BMP6: variants seen among roughly 807,000 people sequenced by gnomAD.
BMP6 encodes the protein VG-1-R.
In BMP6, 17 loss-of-function variants were observed where a neutral mutation model predicts 54.1. That is an observed-to-expected ratio of 0.31 (90% CI 0.22 to 0.47). BMP6 has a LOEUF of 0.47. Among genes scored for constraint, BMP6 ranks in the 20% least tolerant of loss-of-function variants. The pLI is 1.00. For missense variants in BMP6, 720 were observed against 690.4 expected (o/e 1.04, Z -0.48); for synonymous variants, 328 against 291.2 (o/e 1.13, Z -1.28).
chr6:7,775,291 A>G (rs1438121267), intron 1 of BMP6, among the ~76,000 whole-genome samples: 3 of 152,152 alleles, frequency 2.0e-5, no homozygotes, highest in Non-Finnish European at 4.4e-5. Context: ...GATCTCTAGG[A>G]TATATAAATT....
Position 7,727,470 on chromosome 6 carries a change from G to T in BMP6, c.515G>T (p.Arg172Leu), listed in dbSNP as rs1222092849. The T allele has an allele frequency of 1.3e-6, 2 of 1,595,288 alleles. No individual in the cohort carries two copies. Among genetic ancestry groups the T allele is most frequent in the Non-Finnish European group, 8.5e-7 (1 of 1,174,976 alleles). The change falls in exon 1 of 7, where the codon CGG becomes CTG. Residue 172 changes from arginine to leucine, a missense_variant. Around this residue, in one of 3 missense-constraint regions of BMP6, gnomAD observed 650 missense variants for 556.3 expected, o/e 1.17. Transcript: ENST00000283147. ...PHEAASSSQR[R>L]QPPPGAAHPL... ...GAAGCAGCCAGCTCGTCCCAGCGTCGGCAGCCGCCCCCGGGCGCCGCGCAC... is the reference window on the plus strand; with the variant it reads ...GAAGCAGCCAGCTCGTCCCAGCGTCTGCAGCCGCCCCCGGGCGCCGCGCAC...
intron 1 of BMP6, among the ~76,000 whole-genome samples, chr6:7,731,106 T>C (rs557433507): frequency 1.3e-5 from 2 of 152,348 alleles, no homozygotes; most frequent in East Asian, 3.9e-4. Flanking sequence ...TCAAACTCTT[T>C]CTGGGTGAAT....
At chr6:7,759,204 G>A (rs962944830) in intron 1 of BMP6, among the ~76,000 whole-genome samples, 1 of 152,162 alleles carries the variant, frequency 6.6e-6, no homozygotes, top group African/African-American at 2.4e-5. Context: ...ATATATGTAT[G>A]TATGTATGCT....
intron 1 of BMP6, among the ~76,000 whole-genome samples, chr6:7,785,991 T>C (rs1297008432): frequency 6.6e-6 from 1 of 152,214 alleles, no homozygotes; most frequent in Non-Finnish European, 1.5e-5. Flanking sequence ...AGAGAAACTA[T>C]GCAGAATGTT....
At chr6:7,759,857 C>T (rs1338659473) in intron 1 of BMP6, among the ~76,000 whole-genome samples, 2 of 151,380 alleles carry the variant, frequency 1.3e-5, no homozygotes, top group Non-Finnish European at 2.9e-5. Context: ...GTGCCAGCCA[C>T]CATGCCTGGC....
chr6:7,819,872 A>C (rs1758581632), intron 1 of BMP6, among the ~76,000 whole-genome samples: 1 of 152,228 alleles, frequency 6.6e-6, no homozygotes, highest in Admixed American at 6.5e-5. Flanking sequence ...GCAGTGAGTA[A>C]TCTTTTAATC....
chr6:7,726,454 C>T lies in BMP6; in HGVS notation c.-502C>T, dbSNP rs898454340. ...TGCAACGGGGTAAACTTCATGGTGGCCCTGCGATCTGGGGAGGGGCGTGCG... is the reference window on the plus strand; with the variant it reads ...TGCAACGGGGTAAACTTCATGGTGGTCCTGCGATCTGGGGAGGGGCGTGCG... On this transcript the variant is annotated 5_prime_UTR_variant, in exon 1 of 7. Transcript: ENST00000283147. Among the ~76,000 whole-genome samples, 4 of 152,206 alleles carry T rather than the reference C, an allele frequency of 2.6e-5. No individual in the cohort carries two copies. The highest frequency in any genetic ancestry group is 2.9e-5 in the Non-Finnish European group (2 of 68,024).
intron 1 of BMP6, among the ~76,000 whole-genome samples, chr6:7,739,818 C>T (rs1271180509): frequency 6.6e-6 from 1 of 152,182 alleles, no homozygotes; most frequent in East Asian, 1.9e-4. Flanking sequence ...GAGTCTTCAT[C>T]CTCCTTTCCA....
chr6:7,730,931 T>G (rs920021033), intron 1 of BMP6, among the ~76,000 whole-genome samples: 1 of 152,164 alleles, frequency 6.6e-6, no homozygotes, highest in Non-Finnish European at 1.5e-5. Context: ...ACATCCGACT[T>G]CCCTGGGACT....
chr6:7,732,746 CCTCA>C (rs1761888197), intron 1 of BMP6, among the ~76,000 whole-genome samples: 1 of 152,160 alleles, frequency 6.6e-6, no homozygotes, highest in Admixed American at 6.5e-5. Flanking sequence ...GCTGTCTTTG[CCTCA>C]CTCCTATTTA....
chr6:7,729,883 C>A (rs1465835661), intron 1 of BMP6, among the ~76,000 whole-genome samples: 3 of 151,916 alleles, frequency 2.0e-5, no homozygotes, highest in Non-Finnish European at 4.4e-5. Flanking sequence ...TTTTTTTGTT[C>A]AAAAATAAAG....
chr6:7,787,640 G>A (rs761078121), intron 1 of BMP6, among the ~76,000 whole-genome samples: 16 of 152,184 alleles, frequency 1.1e-4, no homozygotes, highest in South Asian at 2.1e-4. Flanking sequence ...TTTCTTAGCC[G>A]TGGCTGCTCT....
At chr6:7,766,996 T>G (rs1247302163) in intron 1 of BMP6, among the ~76,000 whole-genome samples, 1 of 150,986 alleles carries the variant, frequency 6.6e-6, no homozygotes, top group South Asian at 2.1e-4. Flanking sequence ...TTGTTTGTTT[T>G]TTTTTTTTGA....
intron 4 of BMP6, 148 bp from the exon 5 acceptor site, chr6:7,878,926 G>A: frequency 2.6e-6 from 2 of 771,898 alleles, no homozygotes; most frequent in Admixed American, 2.1e-5. Context: ...TCAGGAACCT[G>A]ATGTAGCTGT....
chr6:7,764,371 T>A (rs1757655236), intron 1 of BMP6, among the ~76,000 whole-genome samples: 1 of 152,226 alleles, frequency 6.6e-6, no homozygotes, highest in Non-Finnish European at 1.5e-5. Flanking sequence ...CAAAAGACAT[T>A]AGAAACTCAC....
At chr6:7,742,837 T>A (rs1169773511) in intron 1 of BMP6, among the ~76,000 whole-genome samples, 13 of 152,144 alleles carry the variant, frequency 8.5e-5, no homozygotes, top group Admixed American at 2.6e-4. Flanking sequence ...ATAAAAGTTG[T>A]TTAAAATTAA....
At chr6:7,857,770 C>T (rs561320855) in intron 2 of BMP6, among the ~76,000 whole-genome samples, 8 of 152,292 alleles carry the variant, frequency 5.3e-5, no homozygotes, top group African/African-American at 1.9e-4. Context: ...AGACCAGAAC[C>T]GTTTTAGTGA....
intron 2 of BMP6, among the ~76,000 whole-genome samples, chr6:7,849,655 TA>T (rs1474956879): frequency 6.6e-6 from 1 of 152,250 alleles, no homozygotes; most frequent in Non-Finnish European, 1.5e-5. Flanking sequence ...GGCATACTTT[TA>T]CTGTTGTAAT....
chr6:7,736,382 G>T (rs916314183), intron 1 of BMP6, among the ~76,000 whole-genome samples: 1 of 152,138 alleles, frequency 6.6e-6, no homozygotes, highest in East Asian at 1.9e-4. Context: ...GGGTTATTAG[G>T]GGAGAGGTTA....
Sources: gnomAD v4.1 joint callset for allele counts (sites outside exome capture counted in the v4.1 genomes callset) on GRCh38, gnomAD v4.1.1 for gene constraint, gnomAD v4.1.1 regional missense constraint, MANE v1.5 for transcripts, NCBI Gene and HGNC (gene_info 2026-07-23, HGNC 2026-07-21) for gene names.